TBC1D5: variants seen among roughly 807,000 people sequenced by gnomAD.
TBC1D5 encodes the protein TBC1 domain family member 5.
In TBC1D5, 75 loss-of-function variants were observed where a neutral mutation model predicts 100.3. The ratio of observed to expected loss-of-function variants is 0.75; its 90% CI spans 0.62 to 0.91. TBC1D5 has a LOEUF of 0.91. Ranked by LOEUF, TBC1D5 falls within the 40% of genes least tolerant of loss-of-function variation. The pLI, the probability that TBC1D5 is intolerant of heterozygous loss-of-function variation, is 0.00. For synonymous variants in TBC1D5, 323 were observed against 325.6 expected (o/e 0.99, Z 0.09); for missense variants, 910 against 942.4 (o/e 0.97, Z 0.45).
chr3:17,531,930 G>A (rs1334895973), intron 2 of TBC1D5, among the ~76,000 whole-genome samples: 2 of 152,240 alleles, frequency 1.3e-5, no homozygotes, highest in Non-Finnish European at 2.9e-5. Flanking sequence ...CATGGGCAAG[G>A]ACTTCATGTC....
chr3:17,507,562 C>G (rs1028368376), intron 3 of TBC1D5, among the ~76,000 whole-genome samples: 6 of 152,098 alleles, frequency 3.9e-5, no homozygotes, highest in African/African-American at 1.4e-4. Flanking sequence ...TAAAAGCAGA[C>G]TTTGGCATCA....
intron 17 of TBC1D5, among the ~76,000 whole-genome samples, chr3:17,220,656 T>C (rs546190651): frequency 6.6e-6 from 1 of 152,294 alleles, no homozygotes; most frequent in African/African-American, 2.4e-5. Flanking sequence ...CATTTGTTCT[T>C]TTCATAAATT....
At chr3:17,638,196 A>T (rs1449969799) in intron 1 of TBC1D5, among the ~76,000 whole-genome samples, 1 of 152,114 alleles carries the variant, frequency 6.6e-6, no homozygotes, top group East Asian at 1.9e-4. Flanking sequence ...CATCCATTTG[A>T]AGTGTATAAT....
chr3:17,371,618 A>G (rs1401640066), intron 13 of TBC1D5, among the ~76,000 whole-genome samples: 2 of 152,234 alleles, frequency 1.3e-5, no homozygotes, highest in South Asian at 2.1e-4. Context: ...GGTGAAAGTG[A>G]TAAGCACTGA....
chr3:17,412,036 G>A (rs1439364622), intron 4 of TBC1D5, among the ~76,000 whole-genome samples: 2 of 152,066 alleles, frequency 1.3e-5, no homozygotes, highest in African/African-American at 4.8e-5. Context: ...TTTATTAAGC[G>A]CCTACTATGT....
chr3:17,613,040 C>G (rs1367932207), intron 2 of TBC1D5, among the ~76,000 whole-genome samples: 1 of 152,134 alleles, frequency 6.6e-6, no homozygotes, highest in African/African-American at 2.4e-5. Context: ...TCCCCAACCC[C>G]TCACCCCACA....
At chr3:17,459,272 G>A (rs760897598) in intron 3 of TBC1D5, among the ~76,000 whole-genome samples, 5 of 152,148 alleles carry the variant, frequency 3.3e-5, no homozygotes, top group Non-Finnish European at 5.9e-5. Flanking sequence ...CACAGGGATG[G>A]CTTCAGGATG....
intron 14 of TBC1D5, 113 bp from the exon 15 acceptor site, chr3:17,292,114 C>T: frequency 1.2e-6 from 1 of 869,296 alleles, no homozygotes; most frequent in Non-Finnish European, 1.7e-6. Flanking sequence ...AATAACTCAA[C>T]TGATTTGATA....
At chr3:17,292,830 T>G (rs149656589) in intron 14 of TBC1D5, among the ~76,000 whole-genome samples, 1 of 152,200 alleles carries the variant, frequency 6.6e-6, no homozygotes, top group East Asian at 1.9e-4. Context: ...ACTTCTGTGG[T>G]TGCAAGTGAA....
chr3:17,681,904 A>T (rs1478136937), intron 1 of TBC1D5, among the ~76,000 whole-genome samples: 1 of 151,566 alleles, frequency 6.6e-6, no homozygotes, highest in Non-Finnish European at 1.5e-5. Flanking sequence ...GATCATCAGC[A>T]GCATTAGATT....
At chr3:17,648,439 C>T (rs2065213174) in intron 1 of TBC1D5, among the ~76,000 whole-genome samples, 1 of 152,170 alleles carries the variant, frequency 6.6e-6, no homozygotes, top group Non-Finnish European at 1.5e-5. Context: ...ATGACAAAGA[C>T]ACCAAAAGCA....
intron 1 of TBC1D5, among the ~76,000 whole-genome samples, chr3:17,677,714 C>T (rs1577404722): frequency 6.6e-6 from 1 of 152,280 alleles, no homozygotes; most frequent in South Asian, 2.1e-4. Flanking sequence ...TATTGCGGCA[C>T]TATTCACAAT....
At chr3:17,676,079 G>A (rs2068588134) in intron 1 of TBC1D5, among the ~76,000 whole-genome samples, 1 of 151,718 alleles carries the variant, frequency 6.6e-6, no homozygotes, top group East Asian at 1.9e-4. Flanking sequence ...TTAATATAAA[G>A]ACATTTCTCT....
At chr3:17,483,241 T>C (rs775030541) in intron 3 of TBC1D5, among the ~76,000 whole-genome samples, 5 of 152,162 alleles carry the variant, frequency 3.3e-5, no homozygotes, top group Non-Finnish European at 5.9e-5. Context: ...GAACTGCAAG[T>C]TGTTATAAAT....
At chr3:17,272,281 AATC>A (rs2079511206) in intron 15 of TBC1D5, among the ~76,000 whole-genome samples, 1 of 152,112 alleles carries the variant, frequency 6.6e-6, no homozygotes, top group African/African-American at 2.4e-5. Context: ...TTTTTTTAAA[AATC>A]AACAAATGAT....
chr3:17,673,937 G>C (rs1309321851), intron 1 of TBC1D5, among the ~76,000 whole-genome samples: 1 of 152,008 alleles, frequency 6.6e-6, no homozygotes, highest in Non-Finnish European at 1.5e-5. Context: ...TCTCATCAAG[G>C]GGCTTTTAAA....
intron 5 of TBC1D5, 82 bp from the exon 6 acceptor site, chr3:17,405,043 A>G (rs780510225): frequency 2.1e-5 from 15 of 711,816 alleles, no homozygotes; most frequent in Non-Finnish European, 3.2e-5. Flanking sequence ...CCACCTGAAC[A>G]TTGAAAGACA....
intron 1 of TBC1D5, among the ~76,000 whole-genome samples, chr3:17,719,289 C>T (rs371466782): frequency 6.6e-6 from 1 of 152,050 alleles, no homozygotes. Flanking sequence ...AAATCTAGAA[C>T]GTTATTTAGT....
At chr3:17,479,375 C>T (rs1280579114) in intron 3 of TBC1D5, among the ~76,000 whole-genome samples, 1 of 152,156 alleles carries the variant, frequency 6.6e-6, no homozygotes, top group Non-Finnish European at 1.5e-5. Flanking sequence ...TGTGCACAAG[C>T]CTGGGTGAGA....
Sources: allele counts gnomAD v4.1 joint callset (sites outside exome capture counted in the v4.1 genomes callset), GRCh38; gene constraint gnomAD v4.1.1; transcripts MANE v1.5; gene names NCBI Gene and HGNC (gene_info 2026-07-23, HGNC 2026-07-21).